Variants in ZBTB20 observed in about 807,000 individuals in gnomAD.
The protein encoded by ZBTB20 is zinc finger and BTB domain containing 20.
ZBTB20 carries 9 observed loss-of-function variants against 56.9 expected under a neutral mutation model. The observed-to-expected ratio is 0.16, with a 90% CI of 0.10 to 0.28. ZBTB20 has a LOEUF of 0.28. ZBTB20 is among the 10% of genes least tolerant of loss of function. ZBTB20 has a pLI of 1.00. For missense variants in ZBTB20, 655 were observed against 1,003.0 expected (o/e 0.65, Z 4.69); for synonymous variants, 417 against 420.7 (o/e 0.99, Z 0.11).
chr3:114,911,285 C>G (rs2075526836), intron 3 of ZBTB20, among the ~76,000 whole-genome samples: 1 of 151,916 alleles, frequency 6.6e-6, no homozygotes. Flanking sequence ...ATAGCTCCAA[C>G]ATCCTGTATC....
At chr3:114,576,229 G>T (rs918897104) in intron 6 of ZBTB20, among the ~76,000 whole-genome samples, 5 of 152,008 alleles carry the variant, frequency 3.3e-5, no homozygotes, top group African/African-American at 7.2e-5. Context: ...GCCGGGCGTG[G>T]TGGCTCACGC....
At chr3:114,686,274 T>C (rs1053844812) in intron 6 of ZBTB20, among the ~76,000 whole-genome samples, 2 of 152,174 alleles carry the variant, frequency 1.3e-5, no homozygotes, top group Non-Finnish European at 2.9e-5. Flanking sequence ...GTGTGGGAAA[T>C]GTTTCCAAAT....
intron 7 of ZBTB20, among the ~76,000 whole-genome samples, chr3:114,497,642 G>A (rs557489149): frequency 1.4e-4 from 21 of 151,968 alleles, no homozygotes; most frequent in Admixed American, 7.2e-4. Flanking sequence ...CTCTTACTAC[G>A]TCTTGTATAT....
chr3:114,605,445 T>C (rs1224440534), intron 6 of ZBTB20, among the ~76,000 whole-genome samples: 1 of 152,198 alleles, frequency 6.6e-6, no homozygotes, highest in Non-Finnish European at 1.5e-5. Flanking sequence ...TAGGCAATGA[T>C]TTTAAAACAT....
chr3:114,785,927 C>A (rs2070451454), intron 5 of ZBTB20, among the ~76,000 whole-genome samples: 1 of 152,140 alleles, frequency 6.6e-6, no homozygotes, highest in Non-Finnish European at 1.5e-5. Context: ...ACGAACTTCT[C>A]CTGATATCCC....
rs2078946693 is a variant in ZBTB20 at position 114,322,941 on chromosome 3, CAG to C, written c.*16062_*16063del. 6.6e-6 allele frequency: 1 copy of C among 152,186 alleles called. No homozygotes were observed. The highest frequency in any genetic ancestry group is 2.1e-4 in the South Asian group (1 of 4,824). The allele number at this position is 152,186 out of a possible 1,614,324, so 9.4% of individuals were successfully genotyped here. ...TTCCAAATTGATGCCCCATATGTGA[CAG>C]TGTTCAGAGAAATTCAACATTAGCC... is the stretch of plus-strand genomic sequence containing the variant. On this transcript the variant is annotated 3_prime_UTR_variant, in exon 12 of 12. Coordinates refer to ENST00000675478, the MANE Select transcript of ZBTB20 (RefSeq NM_001348800.3).
intron 6 of ZBTB20, among the ~76,000 whole-genome samples, chr3:114,649,119 C>T (rs541352879): frequency 6.6e-6 from 1 of 151,930 alleles, no homozygotes; most frequent in Non-Finnish European, 1.5e-5. Context: ...CAAAAAGATA[C>T]ACTATTCCTT....
intron 7 of ZBTB20, among the ~76,000 whole-genome samples, chr3:114,450,407 T>C (rs1025860055): frequency 1.3e-5 from 2 of 152,198 alleles, no homozygotes; most frequent in Non-Finnish European, 1.5e-5. Flanking sequence ...GAAAAAAGGC[T>C]TTTAAAATTT....
intron 6 of ZBTB20, among the ~76,000 whole-genome samples, chr3:114,532,393 C>A (rs1205984559): frequency 6.6e-6 from 1 of 152,108 alleles, no homozygotes; most frequent in East Asian, 1.9e-4. Context: ...TGGGTGGAGC[C>A]CACCACAGTT....
chr3:114,839,459 GAAAGAA>G (rs1560306820), intron 4 of ZBTB20, among the ~76,000 whole-genome samples: 38 of 151,160 alleles, frequency 2.5e-4, no homozygotes, highest in African/African-American at 7.8e-4. Context: ...AAGAAAGAAA[GAAAGAA>G]AGAGAGAGAG....
In ZBTB20 at chr3:114,395,670, T is replaced by C. The variant is rs530710086; in HGVS notation, c.-254-6565A>G. Among the ~76,000 whole-genome samples the C allele has an allele frequency of 2.0e-5, 3 of 152,262 alleles. No individual in the cohort carries two copies. In the East Asian group the frequency reaches 5.8e-4, roughly 29 times the overall value. On this transcript the variant is annotated intron_variant, in intron 7 of 11. Coordinates refer to ENST00000675478, the MANE Select transcript of ZBTB20 (RefSeq NM_001348800.3). ...CCAGATAAACTAATCAGGAACACCA[T>C]CGTCAGCTTACTGATGCTGTGATAA...
chr3:114,484,850 C>A (rs916949554), intron 7 of ZBTB20, among the ~76,000 whole-genome samples: 1 of 151,628 alleles, frequency 6.6e-6, no homozygotes, highest in Non-Finnish European at 1.5e-5. Flanking sequence ...CGTGAGTGCA[C>A]GCACGCACGT....
intron 3 of ZBTB20, among the ~76,000 whole-genome samples, chr3:114,906,676 C>CT (rs916084607): frequency 3.1e-4 from 47 of 151,568 alleles, no homozygotes; most frequent in African/African-American, 1.1e-3. Flanking sequence ...AAGGGGCTCA[C>CT]TATTGATTAG....
At chr3:114,370,254 T>C (rs1196172359) in intron 10 of ZBTB20, among the ~76,000 whole-genome samples, 1 of 152,236 alleles carries the variant, frequency 6.6e-6, no homozygotes, top group Non-Finnish European at 1.5e-5. Flanking sequence ...ATTACTCCAC[T>C]TTTGAGTTAC....
chr3:114,686,085 T>C (rs1213963292), intron 6 of ZBTB20, among the ~76,000 whole-genome samples: 1 of 152,206 alleles, frequency 6.6e-6, no homozygotes, highest in African/African-American at 2.4e-5. Flanking sequence ...CTCTCTGTCT[T>C]TTCCTCTACT....
At chr3:114,543,804 G>C (rs889217906) in intron 6 of ZBTB20, among the ~76,000 whole-genome samples, 6 of 152,154 alleles carry the variant, frequency 3.9e-5, no homozygotes, top group Admixed American at 2.0e-4. Flanking sequence ...TCTGAGTAGT[G>C]AAAAAGTTCT....
chr3:114,993,723 C>T (rs1448816858), intron 2 of ZBTB20, among the ~76,000 whole-genome samples: 1 of 151,706 alleles, frequency 6.6e-6, no homozygotes, highest in Non-Finnish European at 1.5e-5. Context: ...ACAATAAAGG[C>T]ACTACATATC....
In ZBTB20 at chr3:114,925,074, C is replaced by T. The variant is rs192076112; in HGVS notation, c.-455-24732G>A. On this transcript the variant is annotated intron_variant, in intron 3 of 11. Transcript: ENST00000675478. ...TCTCGGCTCACTGCAACCTCTGCCTCCTGGGTTCAAGCAATTCTCCTGCCT... is the reference window on the plus strand; with the variant it reads ...TCTCGGCTCACTGCAACCTCTGCCTTCTGGGTTCAAGCAATTCTCCTGCCT... Among the ~76,000 whole-genome samples, 74 of 149,882 alleles carry T rather than the reference C, an allele frequency of 4.9e-4. No individual in the cohort carries two copies. In the East Asian group the frequency reaches 0.014, roughly 28 times the overall value.
At chr3:114,838,968 A>C (rs2074248295) in intron 4 of ZBTB20, among the ~76,000 whole-genome samples, 1 of 152,106 alleles carries the variant, frequency 6.6e-6, no homozygotes, top group Non-Finnish European at 1.5e-5. Flanking sequence ...CAGGAACAGC[A>C]CCCCTATAAG....
Sources: gnomAD v4.1 joint callset for allele counts (sites outside exome capture counted in the v4.1 genomes callset) on GRCh38, gnomAD v4.1.1 for gene constraint, MANE v1.5 for transcripts, NCBI Gene and HGNC (gene_info 2026-07-23, HGNC 2026-07-21) for gene names.